Variants in RIMS1 observed in about 807,000 individuals in gnomAD.
RIMS1 encodes regulating synaptic membrane exocytosis 1.
Under a neutral mutation model 214.1 loss-of-function variants are expected in RIMS1, and 83 were observed. That is an observed-to-expected ratio of 0.39 (90% CI 0.32 to 0.47). The LOEUF is 0.47. Among genes scored for constraint, RIMS1 ranks in the 20% least tolerant of loss-of-function variants. RIMS1 has a pLI of 0.99. For synonymous variants in RIMS1, 793 were observed against 786.8 expected (o/e 1.01, Z -0.13); for missense variants, 2,050 against 2,161.8 (o/e 0.95, Z 1.03).
chr6:72,247,241 G>A (rs1301112962), intron 11 of RIMS1, among the ~76,000 whole-genome samples: 2 of 152,116 alleles, frequency 1.3e-5, no homozygotes, highest in Non-Finnish European at 2.9e-5. Context: ...ATTACTTGAA[G>A]CAGCATTTTC....
At chr6:71,985,557 C>T (rs747693516) in intron 2 of RIMS1, among the ~76,000 whole-genome samples, 42 of 152,016 alleles carry the variant, frequency 2.8e-4, no homozygotes, top group Non-Finnish European at 4.7e-4. Flanking sequence ...CATCTTTTAC[C>T]AATTCCATGT....
At position 72,182,824 on chromosome 6, in the gene RIMS1, G is replaced by C; in HGVS notation, c.1353G>C (p.Ala451=). Residue 451 remains alanine (A), a synonymous_variant, in exon 6 of 34, where the codon GCG becomes GCC. Transcript: ENST00000521978. ...AGCTAACGAACCACAGCCCGCCGGC[G>C]CCCAGACATGGGCCGGTTCCCGCAG... ...AKQLTNHSPP[A]PRHGPVPAEA... The C allele has an allele frequency of 6.4e-7, 1 of 1,550,514 alleles. No individual in the cohort carries two copies.
At chr6:72,304,339 T>C (rs549406587) in intron 26 of RIMS1, among the ~76,000 whole-genome samples, 1 of 151,828 alleles carries the variant, frequency 6.6e-6, no homozygotes, top group Non-Finnish European at 1.5e-5. Context: ...GACAGTAATC[T>C]TTTTTTAAAG....
intron 2 of RIMS1, among the ~76,000 whole-genome samples, chr6:72,080,718 AC>A (rs1318757291): frequency 6.6e-6 from 1 of 152,138 alleles, no homozygotes; most frequent in Non-Finnish European, 1.5e-5. Flanking sequence ...GTGGGCTCCC[AC>A]CTCAGGCCTT....
chr6:72,271,591 A>G (rs1421446629), intron 22 of RIMS1, among the ~76,000 whole-genome samples: 1 of 152,054 alleles, frequency 6.6e-6, no homozygotes, highest in African/African-American at 2.4e-5. Context: ...TGTATATGCA[A>G]GTACAGGTAT....
chr6:72,303,487 A>T (rs1053854221), intron 26 of RIMS1, among the ~76,000 whole-genome samples: 5 of 151,328 alleles, frequency 3.3e-5, no homozygotes, highest in Non-Finnish European at 7.4e-5. Flanking sequence ...GAAAATTGTA[A>T]TAATTACAGT....
chr6:72,049,332 C>T (rs981728122), intron 2 of RIMS1, among the ~76,000 whole-genome samples: 1 of 151,998 alleles, frequency 6.6e-6, no homozygotes, highest in Admixed American at 6.6e-5. Flanking sequence ...TATTTGGGAA[C>T]TCAACCCCTC....
chr6:72,391,173 C>G (rs557555577), intron 30 of RIMS1, among the ~76,000 whole-genome samples: 1 of 152,260 alleles, frequency 6.6e-6, no homozygotes, highest in South Asian at 2.1e-4. Flanking sequence ...TTTTCTAAGT[C>G]TAACACTGTC....
chr6:72,141,382 A>G (rs558027078), intron 4 of RIMS1, among the ~76,000 whole-genome samples: 2 of 152,122 alleles, frequency 1.3e-5, no homozygotes, highest in South Asian at 2.1e-4. Context: ...CCCCTCAAAA[A>G]AAGTTTAAAT....
intron 16 of RIMS1, among the ~76,000 whole-genome samples, chr6:72,253,921 A>T (rs2074615027): frequency 6.6e-6 from 1 of 152,150 alleles, no homozygotes; most frequent in South Asian, 2.1e-4. Flanking sequence ...GCTGGAGTAC[A>T]GTGGCACAAT....
At chr6:71,965,711 A>C (rs1409387418) in intron 1 of RIMS1, among the ~76,000 whole-genome samples, 1 of 152,226 alleles carries the variant, frequency 6.6e-6, no homozygotes, top group Admixed American at 6.5e-5. Context: ...GCTCACATGC[A>C]GTTAGAAGAC....
chr6:72,292,357 T>A (rs1038024010), intron 26 of RIMS1, among the ~76,000 whole-genome samples: 3 of 152,144 alleles, frequency 2.0e-5, no homozygotes, highest in African/African-American at 7.2e-5. Context: ...CTCATTGCAA[T>A]ATGGCATTTT....
At chr6:72,200,797 C>T (rs2051823342) in intron 6 of RIMS1, among the ~76,000 whole-genome samples, 3 of 151,420 alleles carry the variant, frequency 2.0e-5, no homozygotes, top group Admixed American at 2.0e-4. Flanking sequence ...ATGGAGTGGA[C>T]ATTAGCCGTT....
intron 7 of RIMS1, among the ~76,000 whole-genome samples, 168 bp from the exon 8 acceptor site, chr6:72,235,450 G>A (rs1279428063): frequency 1.3e-5 from 2 of 152,002 alleles, no homozygotes; most frequent in Non-Finnish European, 2.9e-5. Context: ...AGAACATGCA[G>A]TGTTTAACTT....
chr6:71,993,666 A>G (rs1177867320), intron 2 of RIMS1, among the ~76,000 whole-genome samples: 1 of 152,202 alleles, frequency 6.6e-6, no homozygotes, highest in Non-Finnish European at 1.5e-5. Context: ...GCATACAGAC[A>G]GTGACAGCTC....
intron 4 of RIMS1, among the ~76,000 whole-genome samples, chr6:72,162,564 C>T (rs2045604882): frequency 7.1e-6 from 1 of 140,630 alleles, no homozygotes; most frequent in South Asian, 2.4e-4. Context: ...CCTTCAGGAG[C>T]TCTTGTAAGG....
intron 28 of RIMS1, among the ~76,000 whole-genome samples, chr6:72,324,266 T>C (rs1281888613): frequency 6.6e-6 from 1 of 151,984 alleles, no homozygotes; most frequent in African/African-American, 2.4e-5. Context: ...GTGAAAAATA[T>C]ATAAAATACC....
chr6:71,954,440 A>T (rs956358923), intron 1 of RIMS1, among the ~76,000 whole-genome samples: 1 of 152,214 alleles, frequency 6.6e-6, no homozygotes, highest in Non-Finnish European at 1.5e-5. Context: ...GAAACAATTC[A>T]TCTTGATGCA....
intron 2 of RIMS1, among the ~76,000 whole-genome samples, chr6:72,008,564 C>A (rs753566705): frequency 3.4e-4 from 51 of 152,160 alleles, no homozygotes; most frequent in Non-Finnish European, 6.3e-4. Context: ...TCAGTGTGCT[C>A]TATTCAGGAG....
Sources: allele counts gnomAD v4.1 joint callset (sites outside exome capture counted in the v4.1 genomes callset), GRCh38; gene constraint gnomAD v4.1.1; transcripts MANE v1.5; gene names NCBI Gene and HGNC (gene_info 2026-07-23, HGNC 2026-07-21).